SLC17A3: variants seen among roughly 807,000 people sequenced by gnomAD.
SLC17A3 encodes the protein sodium-dependent phosphate transport protein 4.
Under a neutral mutation model 60.3 loss-of-function variants are expected in SLC17A3, and 61 were observed. The ratio of observed to expected loss-of-function variants is 1.01; its 90% CI spans 0.82 to 1.25. The LOEUF (loss-of-function observed/expected upper bound fraction) is 1.25. Ranked by LOEUF, SLC17A3 falls within the 50% of genes most tolerant of loss-of-function variation. SLC17A3 has a pLI of 0.00. For synonymous variants in SLC17A3, 192 were observed against 208.9 expected, an observed-to-expected ratio of 0.92 and a Z score of 0.70; for missense variants, 624 against 594.9, an observed-to-expected ratio of 1.05 and a Z score of -0.51.
intron 2 of SLC17A3, among the ~76,000 whole-genome samples, chr6:25,867,045 TACC>T (rs1765547639): frequency 6.6e-6 from 1 of 151,992 alleles, no homozygotes; most frequent in Admixed American, 6.6e-5. Context: ...TCTTGAGCCC[TACC>T]ACCTCAAAAC....
At chr6:25,856,811 C>T (rs905095929) in intron 5 of SLC17A3, among the ~76,000 whole-genome samples, 2 of 148,360 alleles carry the variant, frequency 1.3e-5, no homozygotes, top group Admixed American at 6.7e-5. Flanking sequence ...TGCGCCACTG[C>T]ACTCCAGCCT....
intron 6 of SLC17A3, among the ~76,000 whole-genome samples, chr6:25,852,501 C>T (rs1765294579): frequency 6.6e-6 from 1 of 152,046 alleles, no homozygotes; most frequent in Non-Finnish European, 1.5e-5. Flanking sequence ...CTGATGTTCT[C>T]ATTTTAATAT....
intron 5 of SLC17A3, among the ~76,000 whole-genome samples, chr6:25,859,457 C>T (rs751592001): frequency 2.6e-5 from 4 of 152,122 alleles, no homozygotes; most frequent in Non-Finnish European, 5.9e-5. Flanking sequence ...CTTATTTTCC[C>T]CCCTAAAAAG....
At chr6:25,847,821 T>C (rs1765203132) in intron 11 of SLC17A3, among the ~76,000 whole-genome samples, 1 of 152,168 alleles carries the variant, frequency 6.6e-6, no homozygotes, top group Admixed American at 6.5e-5. Context: ...AGTGGTGATA[T>C]GTGGGATTTT....
Position 25,850,169 on chromosome 6 carries a change from A to G in SLC17A3, c.1002T>C (p.Leu334=), listed in dbSNP as rs1765249215. The part of the protein sequence containing the change: ...VYHVNIRDNG[L]LSALPFIVAW... ...CAACAATAAAAGGAAGGGCAGATAG[A>G]AGTCCATTCTAAAGAGAAAAGATTG... is the stretch of plus-strand genomic sequence containing the variant. The change falls in exon 9 of 13, where the codon CTT becomes CTC. Residue 334 remains leucine (L), a synonymous_variant. Coordinates refer to ENST00000397060, the MANE Select transcript of SLC17A3 (RefSeq NM_001098486.2). 5.0e-6 allele frequency: 8 copies of G among 1,613,478 alleles called. No homozygotes were observed. The highest frequency in any genetic ancestry group is 4.2e-6 in the Non-Finnish European group (5 of 1,179,616).
rs1765153331 is a variant in SLC17A3 at position 25,845,293 on chromosome 6, G to A, written c.*8C>T. 6.7e-7 allele frequency: 1 copy of A among 1,499,854 alleles called. No homozygotes were observed. The highest frequency in any genetic ancestry group is 1.7e-5 in the Admixed American group (1 of 59,740). The allele number at this position is 1,499,854 out of a possible 1,614,324, so 92.9% of individuals were successfully genotyped here. On this transcript the variant is annotated 3_prime_UTR_variant, in exon 13 of 13. Transcript: ENST00000397060. ...CCTAATGACTTTTCCATCCAAGGTG[G>A]GATAACTAAGAAAGGAAAATGATAT...
At chr6:25,850,419 C>T in intron 8 of SLC17A3, 40 bp downstream of exon 8, 1 of 1,599,000 alleles carries the variant, frequency 6.3e-7, no homozygotes, top group Non-Finnish European at 8.6e-7. Flanking sequence ...ATTGGTCAGC[C>T]ATGCAAGCAG....
chr6:25,871,493 G>A (rs1765639662), intron 1 of SLC17A3, among the ~76,000 whole-genome samples: 1 of 150,532 alleles, frequency 6.6e-6, no homozygotes, highest in African/African-American at 2.4e-5. Context: ...CTGTTGTGGG[G>A]TGGGGGCGGG....
chr6:25,872,281 A>G (rs946634823), intron 1 of SLC17A3, among the ~76,000 whole-genome samples: 1 of 150,382 alleles, frequency 6.6e-6, no homozygotes, highest in East Asian at 2.0e-4. Context: ...TGAATTCAGT[A>G]ATGTCATGAT....
intron 2 of SLC17A3, among the ~76,000 whole-genome samples, chr6:25,863,406 G>T (rs1765484944): frequency 6.6e-6 from 1 of 152,036 alleles, no homozygotes; most frequent in South Asian, 2.1e-4. Context: ...AATATAAAAT[G>T]TATGAGCCAA....
intron 2 of SLC17A3, among the ~76,000 whole-genome samples, chr6:25,864,174 C>G (rs1052242044): frequency 4.6e-5 from 7 of 151,790 alleles, no homozygotes; most frequent in Non-Finnish European, 8.8e-5. Context: ...GGGATTATGA[C>G]AGAATGGAGT....
In SLC17A3 at chr6:25,873,732, A is replaced by C. The variant is rs909232111; in HGVS notation, c.-34+435T>G. On this transcript the variant is annotated intron_variant, in intron 1 of 12. Coordinates refer to ENST00000397060, the MANE Select transcript of SLC17A3 (RefSeq NM_001098486.2). ...AGCCATTGGTATAATAGAAATAATT[A>C]TTATTGCCACTCTTATAAATTACTG... 7.9e-5 allele frequency among the ~76,000 whole-genome samples: 12 copies of C among 152,068 alleles called. No individual in the cohort carries two copies. In the East Asian group the frequency reaches 2.3e-3, roughly 29 times the overall value.
Position 25,855,223 on chromosome 6 carries a change from T to G in SLC17A3, c.633A>C (p.Leu211Phe). Residue 211 changes from leucine to phenylalanine, a missense_variant, in exon 6 of 13, where the codon TTA (leucine) becomes TTC (phenylalanine). Transcript: ENST00000397060. ...RLCSIALSGM[L>F]LGCFTAILIG... The stretch of plus-strand genomic sequence containing the variant: ...TGAGGATGGCAGTAAAGCATCCCAG[T>G]AACATTCCTGCAAAGAGAGAGAAAG... 1.2e-6 allele frequency: 2 copies of G among 1,612,478 alleles called. No homozygotes were observed. Among genetic ancestry groups the G allele is most frequent in the Admixed American group, 1.7e-5 (1 of 59,950 alleles).
intron 6 of SLC17A3, among the ~76,000 whole-genome samples, chr6:25,851,239 CA>C (rs1305166901): frequency 1.5e-5 from 2 of 135,352 alleles, no homozygotes; most frequent in Non-Finnish European, 3.2e-5. Context: ...TGTCTTTGCC[CA>C]ATTTTTTTTT....
chr6:25,868,026 C>T (rs1477064364), intron 2 of SLC17A3, among the ~76,000 whole-genome samples: 1 of 151,568 alleles, frequency 6.6e-6, no homozygotes, highest in Admixed American at 6.6e-5. Context: ...CAATCACAAG[C>T]AGGACACACA....
chr6:25,874,011 C>T (rs997235043), intron 1 of SLC17A3, among the ~76,000 whole-genome samples, 156 bp downstream of exon 1: 3 of 152,116 alleles, frequency 2.0e-5, no homozygotes, highest in Non-Finnish European at 4.4e-5. Context: ...TTCTCCCTCA[C>T]TTTTGTCAGT....
At chr6:25,873,090 A>G (rs1234090178) in intron 1 of SLC17A3, among the ~76,000 whole-genome samples, 1 of 152,038 alleles carries the variant, frequency 6.6e-6, no homozygotes, top group African/African-American at 2.4e-5. Context: ...CCCTGGGGCT[A>G]TAACTAGAGG....
chr6:25,850,682 C>A, intron 7 of SLC17A3, 62 bp from the exon 8 acceptor site: 1 of 1,610,392 alleles, frequency 6.2e-7, no homozygotes, highest in Non-Finnish European at 8.5e-7. Flanking sequence ...CTTAGTCACC[C>A]TTAAAAATCC....
At position 25,868,287 on chromosome 6, in the gene SLC17A3, T is replaced by C. The variant is rs1765571048; in HGVS notation, c.91+10A>G. 6.2e-7 allele frequency: 1 copy of C among 1,607,344 alleles called. No homozygotes were observed. Among genetic ancestry groups the C allele is most frequent in the Admixed American group, 1.7e-5 (1 of 59,724 alleles). ...AAATCCTAAAACCAAGCAGTTGAGGTCAAATTTACCTTTCCTGGGGATCAG... is the reference window on the plus strand; with the variant it reads ...AAATCCTAAAACCAAGCAGTTGAGGCCAAATTTACCTTTCCTGGGGATCAG... On this transcript the variant is annotated intron_variant, in intron 2 of 12. Transcript: ENST00000397060.
Sources: gnomAD v4.1 joint callset for allele counts (sites outside exome capture counted in the v4.1 genomes callset) on GRCh38, gnomAD v4.1.1 for gene constraint, MANE v1.5 for transcripts, NCBI Gene and HGNC (gene_info 2026-07-23, HGNC 2026-07-21) for gene names.